The following CEP83 variants were observed in gnomAD, a reference collection of about 807,000 sequenced individuals.
The protein encoded by CEP83 is centrosomal protein of 83 kDa.
In CEP83, 70 loss-of-function variants were observed where a neutral mutation model predicts 101.9. That is an observed-to-expected ratio of 0.69 (90% confidence interval 0.57 to 0.84). CEP83 has a LOEUF of 0.84. CEP83 is among the 40% of genes least tolerant of loss of function. The pLI, the probability that CEP83 is intolerant of heterozygous loss-of-function variation, is 0.00. For missense variants in CEP83, 715 were observed against 787.2 expected (o/e 0.91, Z 1.10); for synonymous variants, 264 against 267.9 (o/e 0.99, Z 0.14).
the CEP83 span, among the ~76,000 whole-genome samples, chr12:94,279,122 T>A: frequency 1.3e-5 from 2 of 152,334 alleles, no homozygotes; most frequent in East Asian, 3.9e-4. Context: ...GTCTGCCTCA[T>A]CTACTGTGGA....
intron 6 of CEP83, among the ~76,000 whole-genome samples, chr12:94,385,843 G>A (rs1426636878): frequency 6.6e-6 from 1 of 152,128 alleles, no homozygotes; most frequent in Non-Finnish European, 1.5e-5. Flanking sequence ...GGTCCCATGA[G>A]TATAATATTG....
downstream of CEP83, chr12:94,307,659 ATTTTGATG>A (rs1969198487): frequency 6.8e-6 from 1 of 147,890 alleles, no homozygotes; most frequent in Non-Finnish European, 1.5e-5. Context: ...AAAAATAAAC[ATTTTGATG>A]TAACTGTGGA....
the CEP83 span, among the ~76,000 whole-genome samples, chr12:94,286,412 A>G: frequency 5.3e-5 from 8 of 152,092 alleles, no homozygotes; most frequent in Admixed American, 5.2e-4. Flanking sequence ...ACCTACATCT[A>G]TATTTGATTA....
chr12:94,300,906 A>G, the CEP83 span: 1 of 1,609,114 alleles, frequency 6.2e-7, no homozygotes, highest in Non-Finnish European at 8.5e-7. Flanking sequence ...CTCTCTTTGA[A>G]CAGCCTTCCT....
intron 11 of CEP83, among the ~76,000 whole-genome samples, chr12:94,352,180 G>A (rs1273903537): frequency 6.6e-6 from 1 of 152,108 alleles, no homozygotes; most frequent in Non-Finnish European, 1.5e-5. Context: ...CAGCACTTTG[G>A]GAGGCCAAGG....
chr12:94,406,858 C>T (rs912409343), intron 4 of CEP83, among the ~76,000 whole-genome samples: 2 of 150,650 alleles, frequency 1.3e-5, no homozygotes, highest in Admixed American at 6.6e-5. Context: ...ACACAGGAGG[C>T]GGAGCTTGCA....
the CEP83 span, among the ~76,000 whole-genome samples, chr12:94,285,972 TAGG>T: frequency 6.6e-6 from 1 of 152,118 alleles, no homozygotes; most frequent in African/African-American, 2.4e-5. Flanking sequence ...CTGCCATTAA[TAGG>T]AGGAGGCAGG....
At chr12:94,456,003 G>A (rs1478096224) in intron 1 of CEP83, among the ~76,000 whole-genome samples, 1 of 149,800 alleles carries the variant, frequency 6.7e-6, no homozygotes, top group Non-Finnish European at 1.5e-5. Flanking sequence ...AACAAAGATT[G>A]CACCACTACG....
chr12:94,305,205 C>T (rs1246111552), downstream of CEP83: 4 of 1,608,398 alleles, frequency 2.5e-6, no homozygotes, highest in Admixed American at 1.7e-5. Context: ...AGAAAGAGAA[C>T]GAGGGCTGGA....
the CEP83 span, among the ~76,000 whole-genome samples, chr12:94,286,194 G>C: frequency 6.6e-6 from 1 of 152,188 alleles, no homozygotes; most frequent in South Asian, 2.1e-4. Context: ...CAGTGTTGCT[G>C]CATGGTGGTA....
At chr12:94,325,744 G>A (rs1363476247) in intron 14 of CEP83, among the ~76,000 whole-genome samples, 5 of 152,224 alleles carry the variant, frequency 3.3e-5, no homozygotes, top group Non-Finnish European at 1.5e-5. Flanking sequence ...TGGGGTGGGG[G>A]AAAATTTGAG....
At chr12:94,292,816 A>C in the CEP83 span, among the ~76,000 whole-genome samples, 3 of 152,244 alleles carry the variant, frequency 2.0e-5, no homozygotes, top group Non-Finnish European at 1.5e-5. Flanking sequence ...GTTAGCACCC[A>C]CAACGTTTCA....
Position 94,459,784 on chromosome 12 carries a change from G to A in CEP83, c.-382C>T, listed in dbSNP as rs1384422526. 2.6e-5 allele frequency: 4 copies of A among 153,192 alleles called. No homozygotes were observed. The highest frequency in any genetic ancestry group is 5.8e-5 in the Non-Finnish European group (4 of 68,542). 9.5% of individuals were successfully genotyped at this position (153,192 alleles called of 1,614,324 possible). A position where few individuals can be genotyped will look rare whatever the true frequency, so the allele number is the denominator to read the frequency against. Reference sequence around the variant, plus strand: ...CGGGCTCCCGTCCCTAGGGAAATGTGAAGTATCCCGGGAGAGGTCCGAGGG... The same window carrying A: ...CGGGCTCCCGTCCCTAGGGAAATGTAAAGTATCCCGGGAGAGGTCCGAGGG... On this transcript the variant is annotated 5_prime_UTR_variant, in exon 1 of 17. Transcript: ENST00000397809.
intron 2 of CEP83, among the ~76,000 whole-genome samples, chr12:94,425,691 C>T (rs988062341): frequency 2.0e-5 from 3 of 152,150 alleles, no homozygotes; most frequent in African/African-American, 7.2e-5. Flanking sequence ...TCCTGAAGCA[C>T]TTTTTCATGT....
At chr12:94,385,473 G>A (rs916633234) in intron 6 of CEP83, among the ~76,000 whole-genome samples, 1 of 152,090 alleles carries the variant, frequency 6.6e-6, no homozygotes, top group African/African-American at 2.4e-5. Flanking sequence ...GCAGAGGATG[G>A]GAGCCCTTGT....
chr12:94,382,813 C>T (rs1406761701), intron 6 of CEP83, among the ~76,000 whole-genome samples: 1 of 151,910 alleles, frequency 6.6e-6, no homozygotes, highest in African/African-American at 2.4e-5. Context: ...ATACATTCAG[C>T]GAATACTTCA....
intron 11 of CEP83, among the ~76,000 whole-genome samples, chr12:94,352,175 C>G (rs1052733505): frequency 6.6e-6 from 1 of 152,164 alleles, no homozygotes; most frequent in South Asian, 2.1e-4. Context: ...AATTCCAGCA[C>G]TTTGGGAGGC....
chr12:94,400,289 GA>G (rs1227276479), intron 6 of CEP83, among the ~76,000 whole-genome samples: 2 of 152,124 alleles, frequency 1.3e-5, no homozygotes, highest in Non-Finnish European at 2.9e-5. Flanking sequence ...ACCACAAAAC[GA>G]GTAGAAAGGC....
chr12:94,374,687 G>C (rs980205883), intron 8 of CEP83, among the ~76,000 whole-genome samples: 1 of 152,134 alleles, frequency 6.6e-6, no homozygotes, highest in Admixed American at 6.5e-5. Flanking sequence ...ACTTGCCTTA[G>C]GTTACACATA....
Sources: allele counts gnomAD v4.1 joint callset (sites outside exome capture counted in the v4.1 genomes callset), GRCh38; gene constraint gnomAD v4.1.1; transcripts MANE v1.5; gene names NCBI Gene and HGNC (gene_info 2026-07-23, HGNC 2026-07-21).